Variants in MARCHF3 observed in about 807,000 individuals in gnomAD.
MARCHF3 encodes the protein membrane associated ring-CH-type finger 3.
MARCHF3 carries 13 observed loss-of-function variants against 24.2 expected under a neutral mutation model. The observed-to-expected ratio is 0.54, with a 90% CI of 0.35 to 0.85. MARCHF3 has a LOEUF of 0.85. Ranked by LOEUF, MARCHF3 falls within the 40% of genes least tolerant of loss-of-function variation. The pLI, the probability that MARCHF3 is intolerant of heterozygous loss-of-function variation, is 0.01. For missense variants in MARCHF3, 276 were observed against 325.0 expected (o/e 0.85, Z 1.16); for synonymous variants, 144 against 137.3 (o/e 1.05, Z -0.34).
chr5:126,919,112 G>A (rs1376463371), intron 1 of MARCHF3, among the ~76,000 whole-genome samples: 1 of 152,132 alleles, frequency 6.6e-6, no homozygotes, highest in Admixed American at 6.6e-5. Context: ...CTAGGCACAT[G>A]GTTTATCATA....
intron 3 of MARCHF3, among the ~76,000 whole-genome samples, chr5:126,901,547 G>A (rs1379593004): frequency 6.6e-6 from 1 of 152,108 alleles, no homozygotes; most frequent in African/African-American, 2.4e-5. Context: ...GGCAGTGTGA[G>A]GGATTAGCTA....
At chr5:126,891,199 G>C (rs1439346288) in intron 3 of MARCHF3, among the ~76,000 whole-genome samples, 3 of 151,696 alleles carry the variant, frequency 2.0e-5, no homozygotes, top group South Asian at 4.2e-4. Context: ...CCCTTTGTCA[G>C]ATGAGTAGGT....
intron 1 of MARCHF3, among the ~76,000 whole-genome samples, chr5:126,944,102 G>A (rs1184506564): frequency 6.6e-6 from 1 of 151,836 alleles, no homozygotes; most frequent in Non-Finnish European, 1.5e-5. Flanking sequence ...GAGCCACCGC[G>A]CCCAGCCATG....
At chr5:126,959,139 G>A (rs1422534993) in intron 1 of MARCHF3, among the ~76,000 whole-genome samples, 2 of 152,038 alleles carry the variant, frequency 1.3e-5, no homozygotes, top group African/African-American at 4.8e-5. Context: ...ATGGAAAGGG[G>A]GAAGGAATAA....
intron 3 of MARCHF3, among the ~76,000 whole-genome samples, chr5:126,898,644 C>T (rs570268059): frequency 3.9e-5 from 6 of 152,210 alleles, no homozygotes; most frequent in African/African-American, 1.4e-4. Context: ...TTCCCTTCAT[C>T]TCCCAATTTC....
intron 3 of MARCHF3, 137 bp downstream of exon 3, chr5:126,914,767 AACACACACACACACACACACACACAC>A: frequency 4.1e-6 from 2 of 482,388 alleles, no homozygotes; most frequent in Non-Finnish European, 7.4e-6. Context: ...CTCTTTCTCA[AACACACACACACACACACACACACAC>A]ACACACACAC....
At chr5:126,957,433 A>G (rs1236640240) in intron 1 of MARCHF3, among the ~76,000 whole-genome samples, 1 of 152,214 alleles carries the variant, frequency 6.6e-6, no homozygotes, top group African/African-American at 2.4e-5. Context: ...TTCCAAGTGC[A>G]GATAAATACT....
At chr5:126,972,217 A>G (rs1034954276) in intron 1 of MARCHF3, among the ~76,000 whole-genome samples, 1 of 149,984 alleles carries the variant, frequency 6.7e-6, no homozygotes, top group Non-Finnish European at 1.5e-5. Flanking sequence ...TTTGGAACAG[A>G]GTGTTTGACT....
At chr5:126,903,590 A>T (rs964162327) in intron 3 of MARCHF3, among the ~76,000 whole-genome samples, 3 of 152,012 alleles carry the variant, frequency 2.0e-5, no homozygotes, top group Non-Finnish European at 4.4e-5. Flanking sequence ...AACCAAATCC[A>T]TTATAATAAC....
chr5:127,024,910 G>A (rs941978317), intron 1 of MARCHF3, among the ~76,000 whole-genome samples: 4 of 152,026 alleles, frequency 2.6e-5, no homozygotes, highest in Non-Finnish European at 2.9e-5. Context: ...AAATATACTC[G>A]GCAGCTCCTA....
intron 1 of MARCHF3, among the ~76,000 whole-genome samples, chr5:127,009,072 G>A (rs1752402273): frequency 6.6e-6 from 1 of 152,068 alleles, no homozygotes; most frequent in African/African-American, 2.4e-5. Flanking sequence ...AAGGAAGACA[G>A]GACCAAAAGA....
chr5:126,926,580 T>C (rs950946760), intron 1 of MARCHF3, among the ~76,000 whole-genome samples: 1 of 152,192 alleles, frequency 6.6e-6, no homozygotes, highest in Non-Finnish European at 1.5e-5. Flanking sequence ...TCATGTATAC[T>C]CTACAGAAAC....
At chr5:126,994,815 C>T (rs1358364727) in intron 1 of MARCHF3, among the ~76,000 whole-genome samples, 1 of 152,248 alleles carries the variant, frequency 6.6e-6, no homozygotes, top group Non-Finnish European at 1.5e-5. Context: ...GTCTGAGTCC[C>T]AAAACCTCAA....
At chr5:126,876,425 G>A (rs890780945) in intron 4 of MARCHF3, among the ~76,000 whole-genome samples, 1 of 152,136 alleles carries the variant, frequency 6.6e-6, no homozygotes, top group East Asian at 1.9e-4. Context: ...TAACACCAGG[G>A]GAATTTGGCA....
At chr5:126,933,261 G>A (rs150249989) in intron 1 of MARCHF3, among the ~76,000 whole-genome samples, 122 of 152,138 alleles carry the variant, frequency 8.0e-4, no homozygotes, top group African/African-American at 2.8e-3. Flanking sequence ...GTTCAGTAGC[G>A]GAGAAAATAC....
chr5:126,944,100 G>A (rs565795282), intron 1 of MARCHF3, among the ~76,000 whole-genome samples: 9 of 151,718 alleles, frequency 5.9e-5, no homozygotes, highest in South Asian at 2.1e-4. Flanking sequence ...GTGAGCCACC[G>A]CGCCCAGCCA....
At chr5:127,005,372 G>A (rs1324209943) in intron 1 of MARCHF3, among the ~76,000 whole-genome samples, 1 of 152,040 alleles carries the variant, frequency 6.6e-6, no homozygotes, top group African/African-American at 2.4e-5. Context: ...CTGGTGTCAA[G>A]TGATCCACCC....
At chr5:126,901,783 T>A (rs1026841734) in intron 3 of MARCHF3, among the ~76,000 whole-genome samples, 1 of 152,044 alleles carries the variant, frequency 6.6e-6, no homozygotes. Flanking sequence ...AGGTGCCTTG[T>A]ACCCAACACA....
chr5:126,979,454 G>A (rs117701672), intron 1 of MARCHF3, among the ~76,000 whole-genome samples: 1 of 152,250 alleles, frequency 6.6e-6, no homozygotes, highest in East Asian at 1.9e-4. Context: ...GTAAACCCTC[G>A]ATGTCAACCA....
Sources: allele counts gnomAD v4.1 joint callset (sites outside exome capture counted in the v4.1 genomes callset), GRCh38; gene constraint gnomAD v4.1.1; transcripts MANE v1.5; gene names NCBI Gene and HGNC (gene_info 2026-07-23, HGNC 2026-07-21).